MAPK10: variants seen among roughly 807,000 people sequenced by gnomAD.
MAPK10 encodes JNK3 alpha protein kinase.
MAPK10 carries 25 observed loss-of-function variants against 59.3 expected under a neutral mutation model. That is an observed-to-expected ratio of 0.42 (90% CI 0.31 to 0.59). The LOEUF is 0.59. Ranked by LOEUF, MAPK10 falls within the 20% of genes least tolerant of loss-of-function variation. The probability of loss-of-function intolerance (pLI) is 0.15; values close to 1 mark genes in which losing one functional copy is unlikely to be tolerated. For missense variants in MAPK10, 351 were observed against 568.9 expected (o/e 0.62, Z 3.90); for synonymous variants, 190 against 200.5 (o/e 0.95, Z 0.44).
At chr4:86,329,678 CAG>C (rs996697917) in intron 2 of MAPK10, among the ~76,000 whole-genome samples, 14 of 152,256 alleles carry the variant, frequency 9.2e-5, no homozygotes, top group Non-Finnish European at 1.9e-4. Flanking sequence ...TATGCTTATG[CAG>C]AGATCCGGAG....
chr4:86,157,710 A>G (rs2068248249), intron 4 of MAPK10, among the ~76,000 whole-genome samples: 1 of 151,988 alleles, frequency 6.6e-6, no homozygotes, highest in South Asian at 2.1e-4. Context: ...CCCTATAGAA[A>G]GGAGAAATAG....
At chr4:86,109,089 G>A (rs2057020904) in intron 4 of MAPK10, among the ~76,000 whole-genome samples, 1 of 151,996 alleles carries the variant, frequency 6.6e-6, no homozygotes, top group Non-Finnish European at 1.5e-5. Context: ...TGAAGATTAG[G>A]GTAGAGCTAG....
intron 2 of MAPK10, among the ~76,000 whole-genome samples, chr4:86,338,523 T>TCCCATGCTCTGGGGGTGGGGAC (rs1722944460): frequency 6.6e-6 from 1 of 151,954 alleles, no homozygotes; most frequent in Non-Finnish European, 1.5e-5. Context: ...CTTGTGGGGA[T>TCCCATGCTCTGGGGGTGGGGAC]TCCCATGCTC....
At chr4:86,261,141 T>G (rs984460636) in intron 2 of MAPK10, among the ~76,000 whole-genome samples, 10 of 152,206 alleles carry the variant, frequency 6.6e-5, no homozygotes, top group Non-Finnish European at 1.5e-4. Flanking sequence ...GCAAACTAAA[T>G]ATTAAGATAT....
chr4:86,437,520 A>G (rs149650917), intron 1 of MAPK10, among the ~76,000 whole-genome samples: 53 of 152,312 alleles, frequency 3.5e-4, no homozygotes, highest in African/African-American at 1.2e-3. Context: ...CTATTTGCTA[A>G]TAACTTAAGA....
rs1491256946 is a variant in MAPK10, at chr4:86,218,069, A to AGT, written c.-6-23664_-6-23663dup. Among the ~76,000 whole-genome samples, 8 of 152,304 alleles carry AGT rather than the reference A, an allele frequency of 5.3e-5. No individual in the cohort carries two copies. The South Asian group carries it at 1.7e-3, about 32-fold the overall frequency. ...ATGAATAATTCTATAAATATTTAAC[A>AGT]GTATCTATTCTGAGTGAGGCACTAT... is the stretch of plus-strand genomic sequence containing the variant. On this transcript the variant is annotated intron_variant, in intron 2 of 13. Coordinates refer to ENST00000641462, the MANE Select transcript of MAPK10 (RefSeq NM_138982.4).
chr4:86,503,177 C>T (rs1039362878), intron 1 of MAPK10, among the ~76,000 whole-genome samples: 1 of 152,078 alleles, frequency 6.6e-6, no homozygotes, highest in African/African-American at 2.4e-5. Context: ...GTTCTGAATT[C>T]TGTTAATGCA....
chr4:86,030,039 T>A (rs1435564130), intron 12 of MAPK10, among the ~76,000 whole-genome samples: 1 of 152,188 alleles, frequency 6.6e-6, no homozygotes, highest in Admixed American at 6.5e-5. Context: ...ATCTGTATAA[T>A]CATCATCCTT....
At chr4:86,330,103 G>A (rs1480373019) in intron 2 of MAPK10, among the ~76,000 whole-genome samples, 1 of 152,188 alleles carries the variant, frequency 6.6e-6, no homozygotes, top group Non-Finnish European at 1.5e-5. Flanking sequence ...GAATCTGCAT[G>A]TGTGAGAAGT....
intron 2 of MAPK10, among the ~76,000 whole-genome samples, chr4:86,278,747 G>A (rs1427578676): frequency 5.9e-5 from 9 of 151,988 alleles, no homozygotes; most frequent in Non-Finnish European, 1.0e-4. Context: ...AGAATACACA[G>A]GAAAAAGTCC....
rs764682752 is a variant in MAPK10 at position 86,447,293 on chromosome 4, T to A, written c.-122+5737A>T. On this transcript the variant is annotated intron_variant, in intron 1 of 13. Transcript: ENST00000361569. The stretch of plus-strand genomic sequence containing the variant: ...CTTTCTTCTCTCTCCTGTTGCCTTG[T>A]GAAGAAGGTTCTTGCTTCCCCTTCA... Among the ~76,000 whole-genome samples the A allele has an allele frequency of 3.2e-4, 49 of 152,320 alleles. No homozygotes were observed. The Middle Eastern group carries it at 0.014, about 42-fold the overall frequency.
intron 3 of MAPK10, among the ~76,000 whole-genome samples, chr4:86,179,233 G>T (rs2076363389): frequency 6.6e-6 from 1 of 151,316 alleles, no homozygotes; most frequent in Non-Finnish European, 1.5e-5. Context: ...GAAAAGAAAA[G>T]AAATCAAGAA....
At chr4:86,362,215 C>T (rs549537370), upstream of MAPK10, among the ~76,000 whole-genome samples, 49 of 151,976 alleles carry the variant, frequency 3.2e-4, no homozygotes, top group African/African-American at 1.1e-3. Context: ...TGTCCAGTAA[C>T]GTAACATGAA....
intron 13 of MAPK10, among the ~76,000 whole-genome samples, chr4:86,022,596 C>A (rs1192670729): frequency 2.0e-5 from 3 of 152,114 alleles, no homozygotes; most frequent in African/African-American, 7.2e-5. Flanking sequence ...CCTCTAACTC[C>A]AGGGCTCAGG....
intron 9 of MAPK10, among the ~76,000 whole-genome samples, chr4:86,088,141 CTATT>C (rs2052330112): frequency 6.6e-6 from 1 of 152,074 alleles, no homozygotes; most frequent in Non-Finnish European, 1.5e-5. Flanking sequence ...CTATTCATAT[CTATT>C]TAATACTGCA....
intron 13 of MAPK10, 103 bp downstream of exon 13, chr4:86,029,094 A>G: frequency 1.3e-6 from 1 of 795,354 alleles, no homozygotes; most frequent in Non-Finnish European, 2.3e-6. Context: ...ATATTTGTCC[A>G]TCTGCTCTTT....
intron 1 of MAPK10, among the ~76,000 whole-genome samples, chr4:86,417,030 G>C (rs1564831663): frequency 6.6e-6 from 1 of 152,106 alleles, no homozygotes; most frequent in Admixed American, 6.5e-5. Flanking sequence ...TGCATTATCT[G>C]CTTTTGTTAA....
chr4:86,013,444 AT>A lies in MAPK10; in HGVS notation c.*3783del. On this transcript the variant is annotated 3_prime_UTR_variant, in exon 14 of 14. Transcript: ENST00000641462. ...CTCTTTCTGAGCTGTAGAAGAATAC[AT>A]TTTTCAGCAAAGCTGGCTAATAACA... 6.6e-6 allele frequency: 1 copy of A among 152,268 alleles called. No individual in the cohort carries two copies. Among genetic ancestry groups the A allele is most frequent in the South Asian group, 2.1e-4 (1 of 4,826 alleles). The allele number at this position is 152,268 out of a possible 1,614,324, so 9.4% of individuals were successfully genotyped here.
chr4:86,396,741 TG>T (rs1375066531), intron 1 of MAPK10, among the ~76,000 whole-genome samples: 1 of 151,850 alleles, frequency 6.6e-6, no homozygotes, highest in Non-Finnish European at 1.5e-5. Context: ...GAGCAAGGGG[TG>T]GGGGGTGCCA....
Sources: allele counts gnomAD v4.1 joint callset (sites outside exome capture counted in the v4.1 genomes callset), GRCh38; gene constraint gnomAD v4.1.1; transcripts MANE v1.5; gene names NCBI Gene and HGNC (gene_info 2026-07-23, HGNC 2026-07-21).